CALR3: variants seen among roughly 807,000 people sequenced by gnomAD.
CALR3 encodes the protein calreticulin 3, also known as calreticulin-3.
In CALR3, 39 loss-of-function variants were observed where a neutral mutation model predicts 48.7. The ratio of observed to expected loss-of-function variants is 0.80; its 90% CI spans 0.62 to 1.05. CALR3 has a LOEUF of 1.05. CALR3 is among the 50% of genes least tolerant of loss of function. CALR3 has a pLI of 0.00. For synonymous variants in CALR3, 185 were observed against 172.7 expected, an observed-to-expected ratio of 1.07 and a Z score of -0.56; for missense variants, 449 against 474.7, an observed-to-expected ratio of 0.95 and a Z score of 0.50.
At chr19:16,488,105 G>C (rs937039216) in intron 3 of CALR3, among the ~76,000 whole-genome samples, 2 of 151,782 alleles carry the variant, frequency 1.3e-5, no homozygotes, top group African/African-American at 4.8e-5. Context: ...GAGCCACCGC[G>C]CCCGGCTCTA....
chr19:16,488,969 T>C (rs2093393492), intron 3 of CALR3, among the ~76,000 whole-genome samples: 1 of 152,206 alleles, frequency 6.6e-6, no homozygotes, highest in Admixed American at 6.6e-5. Context: ...ACAGACAACA[T>C]ATAAATGAAC....
chr19:16,490,265 A>T, intron 3 of CALR3, 102 bp downstream of exon 3: 1 of 995,300 alleles, frequency 1.0e-6, no homozygotes, highest in Non-Finnish European at 1.6e-6. Flanking sequence ...ACTCAATACT[A>T]CTACCTTCAC....
At chr19:16,495,579 A>AAAT (rs2093406387) in intron 2 of CALR3, among the ~76,000 whole-genome samples, 172 bp downstream of exon 2, 1 of 144,418 alleles carries the variant, frequency 6.9e-6, no homozygotes, top group African/African-American at 2.6e-5. Flanking sequence ...AAAAAAAAAA[A>AAAT]GGAGAGAAGA....
chr19:16,483,706 GAAACTCTGTCTC>G, intron 5 of CALR3: 9 of 519,030 alleles, frequency 1.7e-5, no homozygotes, highest in Non-Finnish European at 3.1e-5. Flanking sequence ...CAAGAAGAAC[GAAACTCTGTCTC>G]AAAAAATAAA....
chr19:16,486,184 C>T (rs985294072), intron 3 of CALR3, among the ~76,000 whole-genome samples: 4 of 151,940 alleles, frequency 2.6e-5, no homozygotes, highest in East Asian at 1.9e-4. Flanking sequence ...GGAGTGGTGG[C>T]GTGTCCCTGT....
intron 7 of CALR3, among the ~76,000 whole-genome samples, chr19:16,481,878 G>A (rs1418129454): frequency 6.7e-6 from 1 of 148,508 alleles, no homozygotes; most frequent in Non-Finnish European, 1.5e-5. Flanking sequence ...GACTGCTTGA[G>A]CCTAGAAGTT....
chr19:16,486,774 T>C (rs1483416322), intron 3 of CALR3, among the ~76,000 whole-genome samples: 1 of 152,164 alleles, frequency 6.6e-6, no homozygotes, highest in Non-Finnish European at 1.5e-5. Flanking sequence ...TGTGCTTCCC[T>C]TGTCCTCCTC....
intron 5 of CALR3, 72 bp from the exon 6 acceptor site, chr19:16,482,857 T>C: frequency 2.8e-6 from 4 of 1,439,796 alleles, no homozygotes; most frequent in Non-Finnish European, 3.8e-6. Context: ...CTTCTGTTTT[T>C]GTTTCTTGAG....
intron 3 of CALR3, among the ~76,000 whole-genome samples, chr19:16,489,019 A>T (rs1288921818): frequency 6.6e-6 from 1 of 152,232 alleles, no homozygotes; most frequent in Non-Finnish European, 1.5e-5. Flanking sequence ...ATTTATGCAC[A>T]CTGAAATCTA....
chr19:16,481,193 C>T (rs1013840504), intron 7 of CALR3, among the ~76,000 whole-genome samples: 2 of 152,052 alleles, frequency 1.3e-5, no homozygotes, highest in Non-Finnish European at 2.9e-5. Context: ...GTGATGGTCC[C>T]ACTTCAGCCT....
At chr19:16,489,305 C>A (rs954550987) in intron 3 of CALR3, among the ~76,000 whole-genome samples, 3 of 152,050 alleles carry the variant, frequency 2.0e-5, no homozygotes, top group Non-Finnish European at 4.4e-5. Context: ...GAGTTCGAGA[C>A]CAGCCTGACC....
intron 3 of CALR3, among the ~76,000 whole-genome samples, chr19:16,489,172 T>C (rs1599720420): frequency 6.6e-6 from 1 of 152,272 alleles, no homozygotes; most frequent in Non-Finnish European, 1.5e-5. Flanking sequence ...CAAGGTTTAC[T>C]GAGTACTGAA....
In CALR3 at chr19:16,482,524, T is replaced by C; in HGVS notation, c.844A>G (p.Asn282Asp). ...KDVWLHRKMK[N>D]TDYLTQYDLS... Reference sequence around the variant, plus strand: ...TCATACTGCGTCAAATAGTCGGTATTCTTCATCTTACGGTGGAGCCAGACG... The same window carrying C: ...TCATACTGCGTCAAATAGTCGGTATCCTTCATCTTACGGTGGAGCCAGACG... Residue 282 changes from asparagine (N) to aspartate (D), a missense_variant, in exon 7 of 9, where the codon AAT becomes GAT. Coordinates refer to ENST00000269881, the MANE Select transcript of CALR3 (RefSeq NM_145046.5). 6.2e-7 allele frequency: 1 copy of C among 1,614,250 alleles called. No homozygotes were observed. Among genetic ancestry groups the C allele is most frequent in the South Asian group, 1.1e-5 (1 of 91,090 alleles).
At chr19:16,489,556 T>C (rs1316384801) in intron 3 of CALR3, among the ~76,000 whole-genome samples, 2 of 150,692 alleles carry the variant, frequency 1.3e-5, no homozygotes, top group African/African-American at 2.4e-5. Context: ...GAGGAGGAGG[T>C]TGCAGTGAGC....
At chr19:16,484,182 T>TC in intron 4 of CALR3, 67 bp from the exon 5 acceptor site, 2 of 1,353,346 alleles carry the variant, frequency 1.5e-6, no homozygotes, top group Non-Finnish European at 2.0e-6. Flanking sequence ...TCTTTTCTTT[T>TC]TTTTTTTTTT....
intron 3 of CALR3, among the ~76,000 whole-genome samples, chr19:16,486,619 C>CAA (rs59111886): frequency 3.6e-4 from 45 of 123,664 alleles, no homozygotes; most frequent in Non-Finnish European, 4.5e-4. Flanking sequence ...GATTCTATCT[C>CAA]AAAAAAAAAA....
At chr19:16,489,755 G>A (rs1205010808) in intron 3 of CALR3, among the ~76,000 whole-genome samples, 2 of 152,046 alleles carry the variant, frequency 1.3e-5, no homozygotes, top group Non-Finnish European at 2.9e-5. Context: ...ATTGCAGTGA[G>A]GCGAGATCAA....
intron 3 of CALR3, among the ~76,000 whole-genome samples, chr19:16,488,895 C>G (rs765792283): frequency 6.6e-6 from 1 of 152,076 alleles, no homozygotes; most frequent in Non-Finnish European, 1.5e-5. Flanking sequence ...ATATTTTTGG[C>G]TTTGTAAGCC....
At position 16,494,113 on chromosome 19, in the gene CALR3, T is replaced by C. The variant is rs188680761; in HGVS notation, c.193+1638A>G. Among the ~76,000 whole-genome samples the C allele has an allele frequency of 1.3e-3, 195 of 152,328 alleles. 2 individuals are homozygous for C. The highest frequency in any genetic ancestry group is 4.8e-3 in the Admixed American group (74 of 15,284). ...TCTCATTCTGTCACCCAGGCTGGAGTGCAGTGGTACAATCTCAGTTCACTG... is the reference window on the plus strand; with the variant it reads ...TCTCATTCTGTCACCCAGGCTGGAGCGCAGTGGTACAATCTCAGTTCACTG... On this transcript the variant is annotated intron_variant, in intron 2 of 8. Coordinates refer to ENST00000269881, the MANE Select transcript of CALR3 (RefSeq NM_145046.5).
Sources: allele counts gnomAD v4.1 joint callset (sites outside exome capture counted in the v4.1 genomes callset), GRCh38; gene constraint gnomAD v4.1.1; transcripts MANE v1.5; gene names NCBI Gene and HGNC (gene_info 2026-07-23, HGNC 2026-07-21).